CIB4: variants seen among roughly 807,000 people sequenced by gnomAD.
CIB4 encodes calcium and integrin binding family member 4.
Under a neutral mutation model 25.8 loss-of-function variants are expected in CIB4, and 25 were observed. That is an observed-to-expected ratio of 0.97 (90% CI 0.71 to 1.35). The LOEUF (loss-of-function observed/expected upper bound fraction) is 1.35. Ranked by LOEUF, CIB4 falls within the 40% of genes most tolerant of loss-of-function variation. The pLI, the probability that CIB4 is intolerant of heterozygous loss-of-function variation, is 0.00. For synonymous variants in CIB4, 75 were observed against 81.4 expected, an observed-to-expected ratio of 0.92 and a Z score of 0.42; for missense variants, 235 against 228.2, an observed-to-expected ratio of 1.03 and a Z score of -0.19.
chr2:26,587,028 C>G (rs1558553632), intron 4 of CIB4, among the ~76,000 whole-genome samples: 1 of 152,134 alleles, frequency 6.6e-6, no homozygotes, highest in Non-Finnish European at 1.5e-5. Flanking sequence ...GTGGATTACA[C>G]TGTGGATTAC....
chr2:26,594,148 T>G (rs1012417181), intron 4 of CIB4, among the ~76,000 whole-genome samples: 1 of 152,240 alleles, frequency 6.6e-6, no homozygotes, highest in African/African-American at 2.4e-5. Flanking sequence ...CACATCTCGC[T>G]TTTGGTAGCT....
rs532476690 is a variant in CIB4 at position 26,616,317 on chromosome 2, G to A, written c.186+13093C>T. Among the ~76,000 whole-genome samples, 107 of 152,286 alleles carry A rather than the reference G, an allele frequency of 7.0e-4. 1 individual carries two copies. In the South Asian group the frequency reaches 0.021, roughly 30 times the overall value. ...CCTGGGTGAGCGAAGAGTGGAGGTC[G>A]CCAACTCCTAGGGTGCTCACAGAGC... is the stretch of plus-strand genomic sequence containing the variant. On this transcript the variant is annotated intron_variant, in intron 3 of 6. Transcript: ENST00000288861.
intron 3 of CIB4, among the ~76,000 whole-genome samples, chr2:26,598,160 C>T (rs1023224825): frequency 1.3e-5 from 2 of 151,764 alleles, no homozygotes; most frequent in Non-Finnish European, 2.9e-5. Context: ...ATTAGTAGGG[C>T]GTGATGGTGC....
At chr2:26,606,908 T>C (rs1381479267) in intron 3 of CIB4, among the ~76,000 whole-genome samples, 1 of 152,098 alleles carries the variant, frequency 6.6e-6, no homozygotes, top group Non-Finnish European at 1.5e-5. Flanking sequence ...TGGAGGCGGA[T>C]CGCTAATGGA....
intron 2 of CIB4, among the ~76,000 whole-genome samples, chr2:26,635,328 A>G (rs1310253111): frequency 2.0e-5 from 3 of 152,210 alleles, no homozygotes; most frequent in Non-Finnish European, 4.4e-5. Flanking sequence ...AGGAGGTGTC[A>G]TCTGCAGATC....
intron 3 of CIB4, among the ~76,000 whole-genome samples, chr2:26,609,705 C>A (rs537930069): frequency 6.6e-6 from 1 of 152,090 alleles, no homozygotes; most frequent in Non-Finnish European, 1.5e-5. Flanking sequence ...AGGTCCCAGG[C>A]GCAACAGGGC....
At chr2:26,633,182 C>G (rs1276980463) in intron 2 of CIB4, among the ~76,000 whole-genome samples, 2 of 152,196 alleles carry the variant, frequency 1.3e-5, no homozygotes, top group Non-Finnish European at 2.9e-5. Context: ...AGCTCGTTCC[C>G]CAGGAGGCAT....
rs79029606 is a variant in CIB4 at position 26,624,036 on chromosome 2, G to A, written c.186+5374C>T. On this transcript the variant is annotated intron_variant, in intron 3 of 6. Transcript: ENST00000288861. ...AGGGGGCACTGTGTCCTGTCCCCGT[G>A]CGGGACATTTTGGTCAGCAGGCTTT... 5.4e-3 allele frequency among the ~76,000 whole-genome samples: 825 copies of A among 152,328 alleles called. 4 individuals are homozygous for A. Among genetic ancestry groups the A allele is most frequent in the Non-Finnish European group, 8.8e-3 (601 of 68,022 alleles).
At chr2:26,595,340 G>A (rs938108495) in intron 3 of CIB4, 23 bp from the exon 4 acceptor site, 5 of 1,605,924 alleles carry the variant, frequency 3.1e-6, no homozygotes, top group Non-Finnish European at 3.4e-6. Context: ...GGAGGAGCAG[G>A]GAGGAGGTCT....
intron 4 of CIB4, among the ~76,000 whole-genome samples, chr2:26,594,133 T>C (rs1449765400): frequency 6.6e-6 from 1 of 152,240 alleles, no homozygotes; most frequent in Non-Finnish European, 1.5e-5. Context: ...CAGATCTCTC[T>C]AGAACACATC....
intron 3 of CIB4, among the ~76,000 whole-genome samples, chr2:26,628,163 T>C (rs537429330): frequency 6.6e-6 from 1 of 152,394 alleles, no homozygotes; most frequent in East Asian, 1.9e-4. Flanking sequence ...GCACAAATTT[T>C]AATTAAAATC....
intron 4 of CIB4, among the ~76,000 whole-genome samples, chr2:26,587,837 G>A (rs1263697143): frequency 1.3e-5 from 2 of 152,310 alleles, no homozygotes; most frequent in South Asian, 2.1e-4. Context: ...AGGAACTAGA[G>A]CTATATTGGT....
intron 3 of CIB4, among the ~76,000 whole-genome samples, chr2:26,609,818 C>T (rs1032500537): frequency 1.3e-5 from 2 of 152,150 alleles, no homozygotes; most frequent in South Asian, 2.1e-4. Context: ...ACAGTTTATA[C>T]GTTTTCCCAC....
At chr2:26,635,410 C>A (rs1004657421) in intron 2 of CIB4, among the ~76,000 whole-genome samples, 3 of 152,196 alleles carry the variant, frequency 2.0e-5, no homozygotes, top group Non-Finnish European at 4.4e-5. Flanking sequence ...CAGAGCCAGC[C>A]TCCCTGCAAA....
At chr2:26,601,231 A>ATAT (rs1553374674) in intron 3 of CIB4, among the ~76,000 whole-genome samples, 6 of 17,216 alleles carry the variant, frequency 3.5e-4, no homozygotes, top group Admixed American at 1.7e-3. Flanking sequence ...AAAAAAAAAA[A>ATAT]ATATATATAT....
At chr2:26,617,945 G>A (rs1040430344) in intron 3 of CIB4, among the ~76,000 whole-genome samples, 7 of 152,190 alleles carry the variant, frequency 4.6e-5, no homozygotes, top group Non-Finnish European at 1.0e-4. Flanking sequence ...GGGGAGGGAA[G>A]CCTGGGTTGG....
chr2:26,584,047 GT>G, intron 4 of CIB4, 149 bp from the exon 5 acceptor site: 1 of 612,544 alleles, frequency 1.6e-6, no homozygotes. Context: ...ACTCTCCCAG[GT>G]GGGTCACACG....
Position 26,617,276 on chromosome 2 carries a change from C to G in CIB4, c.186+12134G>C, listed in dbSNP as rs1669113315. Among the ~76,000 whole-genome samples, 3 of 152,090 alleles carry G rather than the reference C, an allele frequency of 2.0e-5. No individual in the cohort carries two copies. The South Asian group carries it at 6.2e-4, about 31-fold the overall frequency. On this transcript the variant is annotated intron_variant, in intron 3 of 6. Transcript: ENST00000288861. ...CCCCCTGTGTAACAGGAGCCTCTAG[C>G]TCAGGGAGGGTTGGCTAAATTGAGG...
rs376420372 is a variant in CIB4, at chr2:26,611,344, T to C, written c.187-16027A>G. Among the ~76,000 whole-genome samples, 301 of 152,318 alleles carry C rather than the reference T, an allele frequency of 2.0e-3. 2 individuals carry two copies. Among genetic ancestry groups the C allele is most frequent in the African/African-American group, 7.0e-3 (293 of 41,566 alleles). ...GAATGGATTGTATGATAACACAGGG[T>C]AGAGCTGCCTATTGAAAAACCACAT... On this transcript the variant is annotated intron_variant, in intron 3 of 6. Transcript: ENST00000288861.
Sources: gnomAD v4.1 joint callset for allele counts (sites outside exome capture counted in the v4.1 genomes callset) on GRCh38, gnomAD v4.1.1 for gene constraint, MANE v1.5 for transcripts, NCBI Gene and HGNC (gene_info 2026-07-23, HGNC 2026-07-21) for gene names.